JAK2: variants seen among roughly 807,000 people sequenced by gnomAD.
JAK2 encodes the protein Janus kinase 2.
In JAK2, 86 loss-of-function variants were observed where a neutral mutation model predicts 139.3. The ratio of observed to expected loss-of-function variants is 0.62; its 90% CI spans 0.52 to 0.74. JAK2 has a LOEUF of 0.74. Ranked by LOEUF, JAK2 falls within the 30% of genes least tolerant of loss-of-function variation. The pLI is 0.00. For missense variants in JAK2, 1,421 were observed against 1,360.3 expected, an observed-to-expected ratio of 1.04 and a Z score of -0.70; for synonymous variants, 490 against 437.7, an observed-to-expected ratio of 1.12 and a Z score of -1.49.
At chr9:4,984,913 C>G (rs983299556), upstream of JAK2, 1 of 152,336 alleles carries the variant, frequency 6.6e-6, no homozygotes, top group African/African-American at 2.4e-5. Context: ...CTTGCGCGCT[C>G]ACGCCCAGGG....
At chr9:5,017,358 C>T (rs934086804) in intron 2 of JAK2, among the ~76,000 whole-genome samples, 1 of 152,176 alleles carries the variant, frequency 6.6e-6, no homozygotes, top group Admixed American at 6.6e-5. Flanking sequence ...TGGGCACAAA[C>T]TGATAAAATT....
intron 24 of JAK2, 68 bp from the exon 25 acceptor site, chr9:5,126,616 A>G: frequency 8.7e-7 from 1 of 1,146,416 alleles, no homozygotes; most frequent in South Asian, 1.4e-5. Flanking sequence ...TTGAAAATTA[A>G]TGTCTTCCAC....
At chr9:5,033,982 T>A (rs1352274374) in intron 4 of JAK2, among the ~76,000 whole-genome samples, 3 of 152,162 alleles carry the variant, frequency 2.0e-5, no homozygotes, top group African/African-American at 7.2e-5. Flanking sequence ...CAGTGTGCTG[T>A]ATTCAGGAAA....
intron 19 of JAK2, among the ~76,000 whole-genome samples, chr9:5,084,134 CTAAG>C (rs1299370236): frequency 1.3e-5 from 2 of 152,028 alleles, no homozygotes; most frequent in African/African-American, 2.4e-5. Flanking sequence ...TGAAGAGACT[CTAAG>C]GAAGGCGTTT....
At chr9:5,028,987 A>C (rs1354772264) in intron 3 of JAK2, among the ~76,000 whole-genome samples, 1 of 152,238 alleles carries the variant, frequency 6.6e-6, no homozygotes, top group Admixed American at 6.5e-5. Context: ...ATTTCATTCA[A>C]AAACTTTTTC....
chr9:5,124,240 T>C (rs991925884), intron 23 of JAK2, among the ~76,000 whole-genome samples: 3 of 151,936 alleles, frequency 2.0e-5, no homozygotes, highest in African/African-American at 7.2e-5. Context: ...TATTTTTGGT[T>C]TTGTTGCCTA....
intron 19 of JAK2, among the ~76,000 whole-genome samples, chr9:5,083,767 A>T (rs1819879735): frequency 8.3e-6 from 1 of 120,404 alleles, no homozygotes; most frequent in East Asian, 2.2e-4. Context: ...ACTAAATTAT[A>T]AAGTTATCTT....
Position 5,089,775 on chromosome 9 carries a change from C to A in JAK2, c.2673C>A (p.His891Gln). Residue 891 changes from histidine to glutamine, a missense_variant, in exon 20 of 25, where the codon CAC (histidine) becomes CAA (glutamine). Transcript: ENST00000381652. ...AGCTTCAGCATAGTACTGAAGAGCA[C>A]CTAAGAGACTTTGAAAGGGAAATTG... ...VKKLQHSTEE[H>Q]LRDFEREIEI... 6 of 1,599,542 alleles carry A rather than the reference C, an allele frequency of 3.8e-6. No homozygotes were observed. The highest frequency in any genetic ancestry group is 4.3e-6 in the Non-Finnish European group (5 of 1,172,966).
At chr9:5,007,138 C>T (rs72699568) in intron 2 of JAK2, among the ~76,000 whole-genome samples, 52,068 of 151,668 alleles carry the variant, frequency 0.34, 9,641 homozygotes, top group African/African-American at 0.49. Flanking sequence ...CTCTTAAGTA[C>T]TTTCATTTTT....
chr9:5,062,955 T>C (rs920901550), intron 8 of JAK2, among the ~76,000 whole-genome samples: 1 of 152,194 alleles, frequency 6.6e-6, no homozygotes, highest in African/African-American at 2.4e-5. Flanking sequence ...CAATGTATGT[T>C]AGGTATATTC....
At chr9:5,081,651 C>T in intron 18 of JAK2, 74 bp from the exon 19 acceptor site, 1 of 1,066,608 alleles carries the variant, frequency 9.4e-7, no homozygotes, top group Admixed American at 2.0e-5. Context: ...TTTTGGTCAA[C>T]TTGAATGTAT....
chr9:5,041,131 G>T, intron 4 of JAK2: 3 of 974,080 alleles, frequency 3.1e-6, no homozygotes, highest in Non-Finnish European at 4.8e-6. Flanking sequence ...CGGTGCTCCT[G>T]ATCGCCATCC....
At chr9:4,987,756 G>GA (rs956403106) in intron 2 of JAK2, among the ~76,000 whole-genome samples, 22 of 147,680 alleles carry the variant, frequency 1.5e-4, no homozygotes, top group Non-Finnish European at 3.0e-4. Context: ...AAAAAAGAAA[G>GA]AAAAAAAGAG....
At chr9:5,067,494 A>C (rs1309300093) in intron 10 of JAK2, among the ~76,000 whole-genome samples, 1 of 152,110 alleles carries the variant, frequency 6.6e-6, no homozygotes, top group Non-Finnish European at 1.5e-5. Context: ...TTTTTATAAA[A>C]TGCAACTTAT....
At chr9:5,115,471 A>G (rs902887482) in intron 22 of JAK2, among the ~76,000 whole-genome samples, 1 of 152,178 alleles carries the variant, frequency 6.6e-6, no homozygotes, top group Non-Finnish European at 1.5e-5. Flanking sequence ...TGGGAGTGTA[A>G]ATTAGTTCAA....
intron 12 of JAK2, 73 bp from the exon 13 acceptor site, chr9:5,072,419 T>G (rs987523550): frequency 7.9e-6 from 9 of 1,137,026 alleles, no homozygotes; most frequent in Non-Finnish European, 1.1e-5. Context: ...TCTTCCTCAT[T>G]GAATGTATTT....
At chr9:5,111,834 T>G (rs1008702124) in intron 22 of JAK2, 3 of 407,390 alleles carry the variant, frequency 7.4e-6, no homozygotes, top group East Asian at 1.3e-4. Flanking sequence ...GCCACACGCC[T>G]GTCGGCGGGG....
intron 20 of JAK2, among the ~76,000 whole-genome samples, chr9:5,090,109 T>C (rs1415645027): frequency 6.6e-6 from 1 of 152,242 alleles, no homozygotes; most frequent in African/African-American, 2.4e-5. Flanking sequence ...TTTAAAGGAA[T>C]TGTTTTTGTT....
intron 9 of JAK2, among the ~76,000 whole-genome samples, chr9:5,066,092 G>A (rs1270943968): frequency 6.6e-6 from 1 of 152,024 alleles, no homozygotes; most frequent in Non-Finnish European, 1.5e-5. Flanking sequence ...TTGTATATTA[G>A]AAATATGGTG....
Sources: allele counts gnomAD v4.1 joint callset (sites outside exome capture counted in the v4.1 genomes callset), GRCh38; gene constraint gnomAD v4.1.1; transcripts MANE v1.5; gene names NCBI Gene and HGNC (gene_info 2026-07-23, HGNC 2026-07-21).